ANKRD26: variants seen among roughly 807,000 people sequenced by gnomAD.
ANKRD26 encodes the protein ankyrin repeat domain 26.
ANKRD26 carries 141 observed loss-of-function variants against 208.7 expected under a neutral mutation model. The ratio of observed to expected loss-of-function variants is 0.68; its 90% CI spans 0.59 to 0.78. The LOEUF (loss-of-function observed/expected upper bound fraction) is 0.78, where lower values mean the gene tolerates loss of function less well. Ranked by LOEUF, ANKRD26 falls within the 30% of genes least tolerant of loss-of-function variation. ANKRD26 has a pLI of 0.00. For synonymous variants in ANKRD26, 636 were observed against 660.4 expected, an observed-to-expected ratio of 0.96 and a Z score of 0.57; for missense variants, 1,889 against 1,938.7, an observed-to-expected ratio of 0.97 and a Z score of 0.48.
At chr10:27,030,625 T>C (rs992286818) in intron 25 of ANKRD26, 2 of 983,008 alleles carry the variant, frequency 2.0e-6, no homozygotes, top group Non-Finnish European at 2.4e-6. Flanking sequence ...AATGGAAATG[T>C]AGATTTCTTT....
At chr10:27,033,648 A>G (rs765538754) in intron 24 of ANKRD26, among the ~76,000 whole-genome samples, 22 of 152,200 alleles carry the variant, frequency 1.4e-4, no homozygotes, top group Non-Finnish European at 2.5e-4. Flanking sequence ...CCATGAATTT[A>G]CACTGCTTAA....
intron 32 of ANKRD26, 150 bp downstream of exon 32, chr10:27,012,732 G>A: frequency 1.5e-6 from 1 of 689,260 alleles, no homozygotes; most frequent in Non-Finnish European, 2.4e-6. Context: ...AGAATTGCCT[G>A]AACCTAGACA....
At chr10:27,040,313 A>T in intron 20 of ANKRD26, 135 bp from the exon 21 acceptor site, 1 of 686,154 alleles carries the variant, frequency 1.5e-6, no homozygotes, top group East Asian at 2.7e-5. Context: ...CATTAAACTA[A>T]GCTCTGAAGA....
At chr10:27,094,849 A>G (rs1404092273) in intron 1 of ANKRD26, among the ~76,000 whole-genome samples, 1 of 152,088 alleles carries the variant, frequency 6.6e-6, no homozygotes, top group African/African-American at 2.4e-5. Context: ...AAAATTTAAA[A>G]AGTAGCCAGG....
rs781634538 is a variant in ANKRD26, at chr10:27,060,458, T to C, written c.1492-41A>G. The C allele has an allele frequency of 5.1e-6, 8 of 1,563,706 alleles. No homozygotes were observed. The East Asian group carries it at 1.3e-4, about 26-fold the overall frequency. On this transcript the variant is annotated intron_variant, in intron 14 of 33. Transcript: ENST00000376087. Reference sequence around the variant, plus strand: ...AACAAAATGATTAATAAATAATGTATACTTTATACAATATGCACTTAATAA... The same window carrying C: ...AACAAAATGATTAATAAATAATGTACACTTTATACAATATGCACTTAATAA...
intron 25 of ANKRD26, 83 bp from the exon 26 acceptor site, chr10:27,029,439 A>C: frequency 7.6e-7 from 1 of 1,318,078 alleles, no homozygotes; most frequent in South Asian, 1.2e-5. Flanking sequence ...ACTAAACCTT[A>C]TCGGAACACA....
chr10:27,072,750 C>G (rs542995839), intron 9 of ANKRD26, among the ~76,000 whole-genome samples: 73 of 152,352 alleles, frequency 4.8e-4, no homozygotes, highest in African/African-American at 1.6e-3. Context: ...AGTTAATCAC[C>G]ACTGCCTGCA....
intron 13 of ANKRD26, 148 bp downstream of exon 13, chr10:27,060,996 T>C (rs1018975124): frequency 8.7e-6 from 6 of 689,050 alleles, no homozygotes; most frequent in African/African-American, 1.8e-5. Flanking sequence ...CTTCAACTTG[T>C]CCTGTAATTT....
chr10:26,959,893 G>A, the ANKRD26 span, among the ~76,000 whole-genome samples: 16 of 152,200 alleles, frequency 1.1e-4, no homozygotes, highest in South Asian at 1.7e-3. Flanking sequence ...TAATTGATGC[G>A]TATATGTTTT....
chr10:26,986,320 A>G (rs2052386479), intron 3 of ANKRD26, among the ~76,000 whole-genome samples: 1 of 152,216 alleles, frequency 6.6e-6, no homozygotes, highest in African/African-American at 2.4e-5. Flanking sequence ...TAAAACCATA[A>G]AAACCCTAGA....
intron 25 of ANKRD26, among the ~76,000 whole-genome samples, chr10:27,029,658 T>C (rs530564997): frequency 6.6e-6 from 1 of 152,358 alleles, no homozygotes; most frequent in African/African-American, 2.4e-5. Context: ...AATACTCAAA[T>C]TTACAAACTT....
chr10:27,054,941 G>C (rs1283797284), intron 15 of ANKRD26, among the ~76,000 whole-genome samples: 1 of 152,146 alleles, frequency 6.6e-6, no homozygotes, highest in Non-Finnish European at 1.5e-5. Flanking sequence ...TTGCATTGGA[G>C]ACAGATCACC....
intron 25 of ANKRD26, among the ~76,000 whole-genome samples, chr10:27,031,177 G>C (rs1013471120): frequency 6.6e-6 from 1 of 152,196 alleles, no homozygotes; most frequent in African/African-American, 2.4e-5. Context: ...GATGGTGAAA[G>C]CAGCCTGATT....
the ANKRD26 span, among the ~76,000 whole-genome samples, chr10:26,968,199 C>T: frequency 6.6e-6 from 1 of 152,240 alleles, no homozygotes; most frequent in Admixed American, 6.5e-5. Flanking sequence ...CCAAACTTTC[C>T]ATTCCAGGAA....
the ANKRD26 span, among the ~76,000 whole-genome samples, chr10:26,967,983 C>T: frequency 2.0e-5 from 3 of 152,162 alleles, no homozygotes; most frequent in Admixed American, 1.3e-4. Flanking sequence ...AATCCGCATT[C>T]GACTCTGTGG....
exon 6 of ANKRD26, among the ~76,000 whole-genome samples, chr10:26,974,181 C>T (rs936693414): frequency 6.6e-6 from 1 of 152,138 alleles, no homozygotes. Flanking sequence ...CCCCTCTATA[C>T]TTACATGCTA....
At chr10:26,955,673 A>G in the ANKRD26 span, among the ~76,000 whole-genome samples, 64 of 152,334 alleles carry the variant, frequency 4.2e-4, no homozygotes, top group Non-Finnish European at 7.3e-4. Context: ...ATGGCAAAGT[A>G]GCCTTTAAAT....
chr10:26,949,661 C>T, the ANKRD26 span, among the ~76,000 whole-genome samples: 5 of 152,076 alleles, frequency 3.3e-5, no homozygotes, highest in African/African-American at 7.2e-5. Flanking sequence ...CCTGCCACCA[C>T]GCCTGGCTAA....
chr10:27,046,545 T>C, intron 17 of ANKRD26, 22 bp from the exon 18 acceptor site: 2 of 1,610,046 alleles, frequency 1.2e-6, no homozygotes, highest in Non-Finnish European at 1.7e-6. Context: ...CCATGGGAAA[T>C]GACAGTTACA....
Sources: gnomAD v4.1 joint callset for allele counts (sites outside exome capture counted in the v4.1 genomes callset) on GRCh38, gnomAD v4.1.1 for gene constraint, MANE v1.5 for transcripts, NCBI Gene and HGNC (gene_info 2026-07-23, HGNC 2026-07-21) for gene names.